CCDC7: variants seen among roughly 807,000 people sequenced by gnomAD.
CCDC7 encodes the protein coiled-coil domain containing 7, also known as coiled-coil domain-containing protein 7.
CCDC7 carries 183 observed loss-of-function variants against 196.9 expected under a neutral mutation model. The ratio of observed to expected loss-of-function variants is 0.93; its 90% CI spans 0.82 to 1.05. The LOEUF is 1.05. Ranked by LOEUF, CCDC7 falls within the 50% of genes least tolerant of loss-of-function variation. The pLI is 0.00. For synonymous variants in CCDC7, 525 were observed against 484.6 expected (o/e 1.08, Z -1.10); for missense variants, 1,540 against 1,482.2 (o/e 1.04, Z -0.64).
intron 18 of CCDC7, among the ~76,000 whole-genome samples, chr10:32,628,949 G>A (rs1032792764): frequency 6.6e-6 from 1 of 152,120 alleles, no homozygotes; most frequent in Non-Finnish European, 1.5e-5. Context: ...GGCTGCATGT[G>A]CTTGAGAAGA....
At chr10:32,765,794 C>G (rs1377691657) in intron 28 of CCDC7, among the ~76,000 whole-genome samples, 1 of 152,022 alleles carries the variant, frequency 6.6e-6, no homozygotes, top group African/African-American at 2.4e-5. Flanking sequence ...AGATACTGTA[C>G]TAAATAATGA....
chr10:32,685,570 C>T (rs1403172987), intron 21 of CCDC7, among the ~76,000 whole-genome samples: 2 of 152,196 alleles, frequency 1.3e-5, no homozygotes, highest in Non-Finnish European at 2.9e-5. Flanking sequence ...ATGGTATATA[C>T]ATTGGCTTAT....
At chr10:32,645,669 G>T (rs2067645694) in intron 20 of CCDC7, among the ~76,000 whole-genome samples, 1 of 151,758 alleles carries the variant, frequency 6.6e-6, no homozygotes, top group Non-Finnish European at 1.5e-5. Context: ...AGGTTCCTGG[G>T]CTTTTCTTTG....
chr10:32,567,062 G>A (rs1261794624), intron 14 of CCDC7, among the ~76,000 whole-genome samples: 1 of 142,856 alleles, frequency 7.0e-6, no homozygotes. Context: ...AATATATATA[G>A]CTAATATATA....
chr10:32,828,320 A>C (rs1476431207), intron 32 of CCDC7, among the ~76,000 whole-genome samples: 2 of 151,668 alleles, frequency 1.3e-5, no homozygotes, highest in African/African-American at 2.4e-5. Flanking sequence ...TTTCTCAAGA[A>C]CTCTTGAGAC....
At chr10:32,841,840 A>G (rs1263473536) in intron 33 of CCDC7, among the ~76,000 whole-genome samples, 1 of 152,138 alleles carries the variant, frequency 6.6e-6, no homozygotes, top group Non-Finnish European at 1.5e-5. Flanking sequence ...AAAACAAACA[A>G]AAACACGAAG....
intron 18 of CCDC7, among the ~76,000 whole-genome samples, chr10:32,620,693 G>A (rs1480585504): frequency 6.6e-6 from 1 of 152,158 alleles, no homozygotes; most frequent in Admixed American, 6.5e-5. Context: ...GGCTGACTGA[G>A]CCAATCCATC....
intron 23 of CCDC7, among the ~76,000 whole-genome samples, chr10:32,690,141 C>T (rs529942294): frequency 1.7e-4 from 26 of 152,278 alleles, no homozygotes; most frequent in Admixed American, 4.6e-4. Flanking sequence ...TATCCAGGTA[C>T]TAAGTAACTG....
At chr10:32,845,880 T>A in exon 36 of CCDC7, 1 of 1,606,708 alleles carries the variant, frequency 6.2e-7, no homozygotes, top group African/African-American at 1.3e-5. Flanking sequence ...CAATAGAGAC[T>A]GATAAGGAAT....
rs529279726 is a variant in CCDC7 at position 32,576,295 on chromosome 10, AG to A, written c.1454+4407del. ...TTCCCATGCACTGAGGTCAAAGCAA[AG>A]GGGGTTAAAAAAAAAAAAAAAAGAA... is the stretch of plus-strand genomic sequence containing the variant. On this transcript the variant is annotated intron_variant, in intron 16 of 41. Coordinates refer to ENST00000639629, the Ensembl canonical transcript of CCDC7. Among the ~76,000 whole-genome samples the A allele has an allele frequency of 4.5e-3, 382 of 84,904 alleles. 2 individuals carry two copies. The highest frequency in any genetic ancestry group is 0.011 in the African/African-American group (365 of 33,170). The allele number at this position is 84,904 out of a possible 152,430, so 55.7% of individuals were successfully genotyped here. A position where few individuals can be genotyped will look rare whatever the true frequency, so the allele number is the denominator to read the frequency against.
chr10:32,513,152 A>G (rs909624783), intron 9 of CCDC7: 2 of 152,152 alleles, frequency 1.3e-5, no homozygotes, highest in Non-Finnish European at 2.9e-5. Flanking sequence ...AGAACTAGAA[A>G]GAACCTGTTT....
intron 28 of CCDC7, among the ~76,000 whole-genome samples, chr10:32,730,515 A>G (rs1172720366): frequency 6.6e-6 from 1 of 151,998 alleles, no homozygotes; most frequent in Admixed American, 6.6e-5. Context: ...TTTTAAATAT[A>G]CAAGTATTTG....
intron 20 of CCDC7, among the ~76,000 whole-genome samples, chr10:32,663,109 T>A (rs1346905906): frequency 6.6e-6 from 1 of 152,124 alleles, no homozygotes; most frequent in African/African-American, 2.4e-5. Flanking sequence ...TGGAAGGACA[T>A]TCTGAATAAG....
intron 13 of CCDC7, 153 bp downstream of exon 14, chr10:32,544,454 T>C: frequency 1.6e-6 from 1 of 613,498 alleles, no homozygotes; most frequent in Admixed American, 3.9e-5. Context: ...AAATTCTTCC[T>C]GAGATAATGT....
downstream of CCDC7, among the ~76,000 whole-genome samples, chr10:32,881,975 T>G (rs2094806298): frequency 6.6e-6 from 1 of 152,024 alleles, no homozygotes. Flanking sequence ...AGATAAAGGG[T>G]GGGTAACTAG....
At chr10:32,706,976 C>G (rs1402635371) in intron 24 of CCDC7, among the ~76,000 whole-genome samples, 2 of 152,146 alleles carry the variant, frequency 1.3e-5, no homozygotes, top group Non-Finnish European at 2.9e-5. Flanking sequence ...TTTATGAGGC[C>G]AGCATCATCC....
intron 18 of CCDC7, among the ~76,000 whole-genome samples, chr10:32,616,192 A>G (rs1451652425): frequency 6.6e-6 from 1 of 151,950 alleles, no homozygotes; most frequent in Non-Finnish European, 1.5e-5. Context: ...ATCGAATTCT[A>G]TGAAAAATGA....
At chr10:32,624,315 A>C (rs1304235971) in intron 18 of CCDC7, among the ~76,000 whole-genome samples, 2 of 152,114 alleles carry the variant, frequency 1.3e-5, no homozygotes, top group Admixed American at 6.6e-5. Context: ...AATATAAATC[A>C]CATTCTCATT....
intron 11 of CCDC7, among the ~76,000 whole-genome samples, chr10:32,525,043 G>A (rs1270195087): frequency 1.3e-5 from 2 of 151,510 alleles, no homozygotes; most frequent in African/African-American, 2.4e-5. Context: ...GATCTTGTAC[G>A]TGTGCTTCAT....
Sources: allele counts gnomAD v4.1 joint callset (sites outside exome capture counted in the v4.1 genomes callset), GRCh38; gene constraint gnomAD v4.1.1; transcripts MANE v1.5; gene names NCBI Gene and HGNC (gene_info 2026-07-23, HGNC 2026-07-21).